Variants in TMC6 observed in about 807,000 individuals in gnomAD.
TMC6 encodes transmembrane channel like 6.
A neutral mutation model predicts 95.4 loss-of-function variants in TMC6; 71 were observed. That is an observed-to-expected ratio of 0.74 (90% CI 0.61 to 0.91). The LOEUF is 0.91. TMC6 is among the 40% of genes least tolerant of loss of function. The pLI is 0.00. For missense variants in TMC6, 1,074 were observed against 1,079.1 expected, an observed-to-expected ratio of 1.00 and a Z score of 0.07; for synonymous variants, 514 against 483.1, an observed-to-expected ratio of 1.06 and a Z score of -0.84.
At chr17:78,131,405 G>T, upstream of TMC6, 1 of 786,382 alleles carries the variant, frequency 1.3e-6, no homozygotes, top group Non-Finnish European at 2.0e-6. Context: ...GGCAGACCCG[G>T]GCAAGTGAAC....
intron 15 of TMC6, among the ~76,000 whole-genome samples, 190 bp downstream of exon 15, chr17:78,118,781 G>A (rs1163273546): frequency 9.2e-5 from 14 of 152,194 alleles, no homozygotes; most frequent in Admixed American, 6.5e-4. Flanking sequence ...CCAGCCTGCC[G>A]AAGACAGTGA....
chr17:78,115,357 A>T, intron 18 of TMC6, among the ~76,000 whole-genome samples: 1 of 152,124 alleles, frequency 6.6e-6, no homozygotes, highest in East Asian at 1.9e-4. Flanking sequence ...ATGCCTAAGG[A>T]CACTGGCACT....
rs1469859349 is a variant in TMC6, at chr17:78,124,676, A to G, written c.739T>C (p.Ser247Pro). Residue 247 changes from serine to proline, a missense_variant, in exon 8 of 20, where the codon TCC becomes CCC. Physicochemically the swap from Ser to Pro is moderately conservative, Grantham distance 74 (BLOSUM62 -1). Transcript: ENST00000590602. The stretch of plus-strand genomic sequence containing the variant: ...AGGGTCTTGAGAAAGAGGAAGTAGG[A>G]GAGCACGCTGGAGCCGAACTGGCCC... ...IGGQFGSSVLSYFLFLKTLLA... is the reference protein window; with the variant it reads ...IGGQFGSSVLPYFLFLKTLLA... 3 of 1,608,782 alleles carry G rather than the reference A, an allele frequency of 1.9e-6. No individual in the cohort carries two copies. The highest frequency in any genetic ancestry group is 2.5e-6 in the Non-Finnish European group (3 of 1,177,974).
chr17:78,111,872 C>T lies in TMC6; in HGVS notation c.*1276G>A, dbSNP rs1282144871. 4.7e-6 allele frequency: 1 copy of T among 213,658 alleles called. No homozygotes were observed. Among genetic ancestry groups the T allele is most frequent in the African/African-American group, 2.4e-5 (1 of 41,868 alleles). 13.2% of individuals were successfully genotyped at this position (213,658 alleles called of 1,614,324 possible). A position where few individuals can be genotyped will look rare whatever the true frequency, so the allele number is the denominator to read the frequency against. On this transcript the variant is annotated 3_prime_UTR_variant, in exon 20 of 20. Transcript: ENST00000590602. ...CTGGGCTGTGACAGGCTGGTCCCCACAAGCCTGGAACCCTGCGCCGTGACG... is the reference window on the plus strand; with the variant it reads ...CTGGGCTGTGACAGGCTGGTCCCCATAAGCCTGGAACCCTGCGCCGTGACG...
upstream of TMC6, chr17:78,132,401 G>A (rs778033380): frequency 5.6e-6 from 9 of 1,612,838 alleles, no homozygotes; most frequent in South Asian, 1.1e-5. Flanking sequence ...ACCTTCCTCC[G>A]CTTCCTGCTG....
Position 78,122,609 on chromosome 17 carries a change from A to C in TMC6, c.1223T>G (p.Leu408Arg). The change falls in exon 10 of 20, where the codon CTG becomes CGG. Residue 408 changes from leucine to arginine, a missense_variant. Physicochemically the swap from Leu to Arg is moderately radical, Grantham distance 102. Coordinates refer to ENST00000590602, the MANE Select transcript of TMC6 (RefSeq NM_001127198.5). The surrounding 1 kb of genome is among the most constrained non-coding windows in gnomAD (Gnocchi z 4.9). Reference sequence around the variant, plus strand: ...TGGTGCTCCGGGGCCACTCACCTTCAGCCGGGTGCGAATATTGTCCTGCTG... The same window carrying C: ...TGGTGCTCCGGGGCCACTCACCTTCCGCCGGGTGCGAATATTGTCCTGCTG... ...RLQQDNIRTR[L>R]KELLAEWQLR... 6.2e-7 allele frequency: 1 copy of C among 1,610,208 alleles called. No individual in the cohort carries two copies. Among genetic ancestry groups the C allele is most frequent in the Non-Finnish European group, 8.5e-7 (1 of 1,179,832 alleles).
chr17:78,129,261 T>C (rs2074897572), upstream of TMC6, among the ~76,000 whole-genome samples: 1 of 151,980 alleles, frequency 6.6e-6, no homozygotes, highest in Admixed American at 6.6e-5. The surrounding 1 kb of genome is among the most constrained non-coding windows in gnomAD (Gnocchi z 4.3). Context: ...GTGTGCTGTG[T>C]GGAGAGGAGG....
chr17:78,115,306 C>T (rs959721908), intron 18 of TMC6, among the ~76,000 whole-genome samples: 48 of 152,332 alleles, frequency 3.2e-4, no homozygotes, highest in African/African-American at 8.4e-4. Flanking sequence ...AGACGCCAGC[C>T]GCTGATCCCC....
In TMC6 at chr17:78,121,422, G is replaced by A. The variant is rs981689866; in HGVS notation, c.1383+134C>T. The A allele has an allele frequency of 2.9e-5, 43 of 1,480,940 alleles. No individual in the cohort carries two copies. Among genetic ancestry groups the A allele is most frequent in the East Asian group, 7.3e-5 (3 of 41,146 alleles). 91.7% of individuals were successfully genotyped at this position (1,480,940 alleles called of 1,614,324 possible). ...TGGGGCTCGGAGGGGGCCCCAGCAC[G>A]GGGCACAGCGTACGTGGCACCCTGG... On this transcript the variant is annotated intron_variant, in intron 11 of 19. Coordinates refer to ENST00000590602, the MANE Select transcript of TMC6 (RefSeq NM_001127198.5). This position sits in a 1 kb window ranked among gnomAD's most constrained non-coding sequence, Gnocchi z 5.6.
upstream of TMC6, chr17:78,132,227 G>C (rs758946305): frequency 1.4e-6 from 2 of 1,385,338 alleles, no homozygotes; most frequent in East Asian, 5.0e-5. Context: ...GACTGTCAGC[G>C]GTACCTCCGG....
chr17:78,131,790 C>T (rs1254086873), upstream of TMC6: 6 of 1,541,520 alleles, frequency 3.9e-6, no homozygotes, highest in Non-Finnish European at 4.4e-6. Flanking sequence ...TGCGAGGCTG[C>T]CCCGTCGGAT....
In TMC6 at chr17:78,128,401, C is replaced by T. The variant is rs1381396779; in HGVS notation, c.-75+211G>A. Reference sequence around the variant, plus strand: ...ACCTGGGTGGGGGCTGCGGATTTTGCTCCCCGCACTGTCCTCCCCGCCCCT... The same window carrying T: ...ACCTGGGTGGGGGCTGCGGATTTTGTTCCCCGCACTGTCCTCCCCGCCCCT... On this transcript the variant is annotated intron_variant, in intron 1 of 19. Transcript: ENST00000590602. The surrounding 1 kb of genome is among the most constrained non-coding windows in gnomAD (Gnocchi z 4.0). 6.6e-6 allele frequency among the ~76,000 whole-genome samples: 1 copy of T among 152,120 alleles called. No individual in the cohort carries two copies. The highest frequency in any genetic ancestry group is 1.5e-5 in the Non-Finnish European group (1 of 67,988).
chr17:78,119,250 C>A, intron 14 of TMC6, 47 bp downstream of exon 14: 1 of 1,605,154 alleles, frequency 6.2e-7, no homozygotes, highest in South Asian at 1.1e-5. Context: ...GGGAAAGGGG[C>A]ACTGACCGAG....
At chr17:78,131,471 C>T, upstream of TMC6, 9 of 1,428,152 alleles carry the variant, frequency 6.3e-6, no homozygotes, top group Non-Finnish European at 8.6e-6. Flanking sequence ...CGGAAGGGCC[C>T]GCCCCCAGCC....
chr17:78,121,271 T>TC lies in TMC6; in HGVS notation c.1384-108dup. ...GAACTGGCAGGTAGCACCTCCCTCC[T>TC]CCAAGATCTGGCCCTCCCCAGGCCT... On this transcript the variant is annotated intron_variant, in intron 11 of 19. Transcript: ENST00000590602. This position sits in a 1 kb window ranked among gnomAD's most constrained non-coding sequence, Gnocchi z 5.6. 6.6e-7 allele frequency: 1 copy of TC among 1,509,482 alleles called. No individual in the cohort carries two copies. The highest frequency in any genetic ancestry group is 8.9e-7 in the Non-Finnish European group (1 of 1,123,726). The allele number at this position is 1,509,482 out of a possible 1,614,324, so 93.5% of individuals were successfully genotyped here.
rs201267987 is a variant in TMC6 at position 78,124,568 on chromosome 17, C to T, written c.847G>A (p.Gly283Ser). The stretch of plus-strand genomic sequence containing the variant: ...AGGCCTGTGCAGACGGGGGCAGGGC[C>T]CGGCAGGGCGGGTGGGAAGGCGACC... ...PQVAFPPALP[G>S]PAPVCTGLEL... is the part of the protein sequence containing the mutation. Residue 283 changes from glycine (G) to serine (S), a missense_variant, in exon 8 of 20, where the codon GGC (glycine) becomes AGC (serine). Physicochemically the swap from Gly to Ser is moderately conservative, Grantham distance 56. Transcript: ENST00000590602. The T allele has an allele frequency of 7.3e-4, 1,172 of 1,612,138 alleles. No individual in the cohort carries two copies. The highest frequency in any genetic ancestry group is 2.0e-3 in the Middle Eastern group (12 of 6,030).
chr17:78,122,753 G>C lies in TMC6; in HGVS notation c.1083-4C>G, dbSNP rs2057188. On this transcript the variant is annotated splice_region_variant and splice_polypyrimidine_tract_variant and intron_variant, in intron 9 of 19. Coordinates refer to ENST00000590602, the MANE Select transcript of TMC6 (RefSeq NM_001127198.5). The surrounding 1 kb of genome is among the most constrained non-coding windows in gnomAD (Gnocchi z 4.9). Reference sequence around the variant, plus strand: ...CTCCCCGAAAGAGTGAGCCATGCTGGGGAGAAGCAGACACAGACATGGCAA... The same window carrying C: ...CTCCCCGAAAGAGTGAGCCATGCTGCGGAGAAGCAGACACAGACATGGCAA... The C allele has an allele frequency of 0.097, 155,278 of 1,608,278 alleles. 7,883 individuals carry two copies. Among genetic ancestry groups the C allele is most frequent in the South Asian group, 0.1 (9,357 of 90,616 alleles).
Position 78,122,598 on chromosome 17 carries a change from C to G in TMC6, c.1227+7G>C. On this transcript the variant is annotated splice_region_variant and intron_variant, in intron 10 of 19. Transcript: ENST00000590602. This position sits in a 1 kb window ranked among gnomAD's most constrained non-coding sequence, Gnocchi z 4.9. ...GCAGGCCAGCTTGGTGCTCCGGGGCCACTCACCTTCAGCCGGGTGCGAATA... is the reference window on the plus strand; with the variant it reads ...GCAGGCCAGCTTGGTGCTCCGGGGCGACTCACCTTCAGCCGGGTGCGAATA... 1 of 1,608,800 alleles carries G rather than the reference C, an allele frequency of 6.2e-7. No individual in the cohort carries two copies. Among genetic ancestry groups the G allele is most frequent in the African/African-American group, 1.3e-5 (1 of 75,036 alleles).
chr17:78,113,423 G>T, intron 19 of TMC6, 125 bp downstream of exon 19: 1 of 1,308,614 alleles, frequency 7.6e-7, no homozygotes, highest in Non-Finnish European at 1.1e-6. Context: ...GGAGATTTTT[G>T]TAGGTCAAAA....
Sources: allele counts gnomAD v4.1 joint callset (sites outside exome capture counted in the v4.1 genomes callset), GRCh38; gene constraint gnomAD v4.1.1; non-coding constraint Gnocchi (gnomAD v3.1); transcripts MANE v1.5; gene names NCBI Gene and HGNC (gene_info 2026-07-23, HGNC 2026-07-21).